The following QRICH1 variants were observed in gnomAD, a reference collection of about 807,000 sequenced individuals.
QRICH1 encodes the protein glutamine rich 1.
QRICH1 carries 16 observed loss-of-function variants against 87.1 expected under a neutral mutation model. That is an observed-to-expected ratio of 0.18 (90% CI 0.12 to 0.28). The LOEUF is 0.28. Among genes scored for constraint, QRICH1 ranks in the 10% least tolerant of loss-of-function variants. QRICH1 has a pLI of 1.00. For synonymous variants in QRICH1, 367 were observed against 368.4 expected, an observed-to-expected ratio of 1.00 and a Z score of 0.05; for missense variants, 647 against 951.7, an observed-to-expected ratio of 0.68 and a Z score of 4.21.
At chr3:49,080,283 A>G (rs2042033471) in intron 1 of QRICH1, among the ~76,000 whole-genome samples, 1 of 152,162 alleles carries the variant, frequency 6.6e-6, no homozygotes, top group Admixed American at 6.6e-5. Flanking sequence ...AGTTGCATTC[A>G]CATAATATAC....
intron 6 of QRICH1, among the ~76,000 whole-genome samples, chr3:49,037,844 T>A (rs1019466377): frequency 6.6e-6 from 1 of 151,804 alleles, no homozygotes; most frequent in African/African-American, 2.4e-5. Flanking sequence ...CTGGGTGTGA[T>A]GGTGCGCGCC....
At chr3:49,036,258 C>G (rs2093274732) in intron 6 of QRICH1, among the ~76,000 whole-genome samples, 1 of 152,290 alleles carries the variant, frequency 6.6e-6, no homozygotes, top group East Asian at 1.9e-4. Flanking sequence ...AAAACAATTT[C>G]TAGTTCTGCC....
intron 2 of QRICH1, among the ~76,000 whole-genome samples, chr3:49,061,723 A>G (rs2093436080): frequency 6.6e-6 from 1 of 152,112 alleles, no homozygotes. Context: ...ATGGTGGTGC[A>G]TGCCTGTAAT....
At chr3:49,067,402 C>T (rs1218129503) in intron 2 of QRICH1, among the ~76,000 whole-genome samples, 4 of 150,946 alleles carry the variant, frequency 2.6e-5, no homozygotes, top group South Asian at 2.1e-4. Context: ...CCCGTCTCTA[C>T]TAAAAATACA....
chr3:49,063,576 C>T (rs1263947798), intron 2 of QRICH1, among the ~76,000 whole-genome samples: 8 of 152,156 alleles, frequency 5.3e-5, no homozygotes, highest in African/African-American at 1.9e-4. Context: ...ACTGCTTGAG[C>T]CCAGGAGTTC....
chr3:49,057,476 G>C lies in QRICH1; in HGVS notation c.724C>G (p.Leu242Val). 6.2e-7 allele frequency: 1 copy of C among 1,612,264 alleles called. No homozygotes were observed. Among genetic ancestry groups the C allele is most frequent in the African/African-American group, 1.3e-5 (1 of 75,060 alleles). ...GERRVGTASVLQPVKKRKVDM... is the reference protein window; with the variant it reads ...GERRVGTASVVQPVKKRKVDM... ...ACTTTGCGCTTCTTCACTGGTTGGA[G>C]GACACTGGCCGTGCCAACCCGCCGC... is the stretch of plus-strand genomic sequence containing the variant. Residue 242 changes from leucine (L) to valine (V), a missense_variant, in exon 3 of 10, where the codon CTC becomes GTC. Transcript: ENST00000395443. The surrounding 1 kb of genome is among the most constrained non-coding windows in gnomAD (Gnocchi z 5.4).
chr3:49,050,285 T>TGGTA (rs1272661793), intron 3 of QRICH1, among the ~76,000 whole-genome samples: 3 of 119,776 alleles, frequency 2.5e-5, no homozygotes, highest in Non-Finnish European at 5.1e-5. Flanking sequence ...TAGCCGGGTG[T>TGGTA]GGTAGCACAC....
intron 2 of QRICH1, 113 bp from the exon 3 acceptor site, chr3:49,058,003 A>G: frequency 6.4e-7 from 1 of 1,556,052 alleles, no homozygotes; most frequent in East Asian, 2.3e-5. Flanking sequence ...GTGAGAAAAC[A>G]CTGGCATACT....
At chr3:49,050,872 A>G (rs1436868085) in intron 3 of QRICH1, among the ~76,000 whole-genome samples, 1 of 152,144 alleles carries the variant, frequency 6.6e-6, no homozygotes, top group Admixed American at 6.6e-5. Context: ...TGACCCATGC[A>G]GACATCCCCT....
intron 3 of QRICH1, among the ~76,000 whole-genome samples, chr3:49,049,509 CT>C (rs1293473690): frequency 4.6e-5 from 7 of 151,942 alleles, no homozygotes; most frequent in Non-Finnish European, 1.5e-5. Context: ...TTTTAAAATT[CT>C]TTTTTTGAGC....
At chr3:49,068,025 A>C (rs1191556655) in intron 2 of QRICH1, among the ~76,000 whole-genome samples, 1 of 152,026 alleles carries the variant, frequency 6.6e-6, no homozygotes, top group Non-Finnish European at 1.5e-5. Flanking sequence ...AACTCTCAAC[A>C]CCTTTTTTAA....
chr3:49,088,553 G>A (rs1468631115), intron 1 of QRICH1, among the ~76,000 whole-genome samples: 4 of 144,430 alleles, frequency 2.8e-5, no homozygotes, highest in Non-Finnish European at 6.1e-5. Context: ...TCATTTCCAC[G>A]GCCCCCCTCG....
At chr3:49,061,531 T>C (rs1176477430) in intron 2 of QRICH1, among the ~76,000 whole-genome samples, 1 of 151,746 alleles carries the variant, frequency 6.6e-6, no homozygotes, top group African/African-American at 2.4e-5. Flanking sequence ...TAACCACAAG[T>C]AGGAATTAGA....
In QRICH1 at chr3:49,057,616, A is replaced by G. The variant is rs2093410475; in HGVS notation, c.584T>C (p.Ile195Thr). Residue 195 changes from isoleucine (I) to threonine (T), a missense_variant, in exon 3 of 10, where the codon ATC (isoleucine) becomes ACC (threonine). Coordinates refer to ENST00000395443, the MANE Select transcript of QRICH1 (RefSeq NM_198880.3). This position sits in a 1 kb window ranked among gnomAD's most constrained non-coding sequence, Gnocchi z 5.4. ...IPEEHIPHQQ[I>T]QAQLVAGQSL... ...CTGGCCAGCCACCAGCTGAGCCTGG[A>G]TTTGCTGATGTGGGATGTGCTCCTC... is the stretch of plus-strand genomic sequence containing the variant. 1.2e-6 allele frequency: 2 copies of G among 1,614,098 alleles called. No homozygotes were observed. The highest frequency in any genetic ancestry group is 1.7e-6 in the Non-Finnish European group (2 of 1,180,002).
intron 2 of QRICH1, among the ~76,000 whole-genome samples, chr3:49,071,911 C>G (rs1050131555): frequency 6.6e-6 from 1 of 152,078 alleles, no homozygotes; most frequent in African/African-American, 2.4e-5. Flanking sequence ...AGGCTGGTCT[C>G]AAACTCCTAG....
chr3:49,057,135 C>T lies in QRICH1; in HGVS notation c.1065G>A (p.Glu355=), dbSNP rs2093407277. The change falls in exon 3 of 10, where the codon GAG becomes GAA. Residue 355 remains glutamate, a synonymous_variant. Transcript: ENST00000395443. This position sits in a 1 kb window ranked among gnomAD's most constrained non-coding sequence, Gnocchi z 5.4. ...SPTALAAVKL[E]DDKEKMVGTT... ...TGCCCACCATCTTCTCCTTGTCATC[C>T]TCCAGCTTAACAGCTGCCAGGGCTG... is the stretch of plus-strand genomic sequence containing the variant. 3 of 1,614,110 alleles carry T rather than the reference C, an allele frequency of 1.9e-6. No individual in the cohort carries two copies. Among genetic ancestry groups the T allele is most frequent in the South Asian group, 2.2e-5 (2 of 91,090 alleles).
At chr3:49,089,879 G>A (rs1169672687) in intron 1 of QRICH1, among the ~76,000 whole-genome samples, 2 of 152,228 alleles carry the variant, frequency 1.3e-5, no homozygotes, top group Admixed American at 6.5e-5. Context: ...AGGGACCCAC[G>A]AAGGGTTCAG....
chr3:49,041,179 A>G (rs2093307728), intron 6 of QRICH1, among the ~76,000 whole-genome samples: 1 of 152,054 alleles, frequency 6.6e-6, no homozygotes, highest in African/African-American at 2.4e-5. Context: ...CATATTGGCC[A>G]GGCTGGTCTT....
chr3:49,054,852 T>C (rs1034328597), intron 3 of QRICH1, among the ~76,000 whole-genome samples: 4 of 152,150 alleles, frequency 2.6e-5, no homozygotes, highest in Non-Finnish European at 5.9e-5. Context: ...CAGTGAATTA[T>C]GATCACTACC....
Sources: gnomAD v4.1 joint callset for allele counts (sites outside exome capture counted in the v4.1 genomes callset) on GRCh38, gnomAD v4.1.1 for gene constraint, Gnocchi (gnomAD v3.1) non-coding constraint, MANE v1.5 for transcripts, NCBI Gene and HGNC (gene_info 2026-07-23, HGNC 2026-07-21) for gene names.